The following ABI1 variants were observed in gnomAD, a reference collection of about 807,000 sequenced individuals.
ABI1 encodes Abelson interactor 1.
A neutral mutation model predicts 54.6 loss-of-function variants in ABI1; 14 were observed. That is an observed-to-expected ratio of 0.26 (90% CI 0.17 to 0.40). The LOEUF (loss-of-function observed/expected upper bound fraction) is 0.40, where lower values mean the gene tolerates loss of function less well. Ranked by LOEUF, ABI1 falls within the 10% of genes least tolerant of loss-of-function variation. The probability of loss-of-function intolerance (pLI) is 1.00; values close to 1 mark genes in which losing one functional copy is unlikely to be tolerated. For missense variants in ABI1, 443 were observed against 598.3 expected (o/e 0.74, Z 2.71); for synonymous variants, 194 against 209.3 (o/e 0.93, Z 0.63).
At chr10:26,828,017 T>C (rs543801716) in intron 1 of ABI1, among the ~76,000 whole-genome samples, 3 of 152,386 alleles carry the variant, frequency 2.0e-5, no homozygotes, top group East Asian at 1.9e-4. Flanking sequence ...GTTTGGCCTA[T>C]CTCAGCTTTT....
rs773616910 is a variant in ABI1 at position 26,755,690 on chromosome 10, G to A, written c.1049C>T (p.Pro350Leu). 6.2e-7 allele frequency: 1 copy of A among 1,613,598 alleles called. No individual in the cohort carries two copies. Among genetic ancestry groups the A allele is most frequent in the Non-Finnish European group, 8.5e-7 (1 of 1,179,666 alleles). Residue 350 changes from proline (P) to leucine (L), a missense_variant, in exon 9 of 11, where the codon CCT becomes CTT. Around this residue, in one of 2 missense-constraint regions of ABI1, gnomAD observed 394 missense variants for 484.8 expected, o/e 0.81. Coordinates refer to ENST00000376140, the MANE Select transcript of ABI1 (RefSeq NM_001012750.3). Reference sequence around the variant, plus strand: ...CACCCTGGCCACGAAGCCTGTGAGAGGTATCTGTGGAGTCAACTGAGGCAT... The same window carrying A: ...CACCCTGGCCACGAAGCCTGTGAGAAGTATCTGTGGAGTCAACTGAGGCAT... ...PPMPQLTPQIPLTGFVARVQE... is the reference protein window; with the variant it reads ...PPMPQLTPQILLTGFVARVQE...
intron 1 of ABI1, among the ~76,000 whole-genome samples, chr10:26,836,113 T>C (rs1214820201): frequency 6.6e-6 from 1 of 151,954 alleles, no homozygotes; most frequent in East Asian, 1.9e-4. Context: ...TTTTTTGTTG[T>C]TTGTTTTTTG....
intron 1 of ABI1, among the ~76,000 whole-genome samples, chr10:26,849,120 C>T (rs150647117): frequency 1.3e-5 from 2 of 152,268 alleles, no homozygotes; most frequent in Admixed American, 6.5e-5. Context: ...AAGACCTTTA[C>T]AGGGGGTCCA....
chr10:26,825,897 A>G (rs1185256613), intron 1 of ABI1, among the ~76,000 whole-genome samples: 3 of 152,194 alleles, frequency 2.0e-5, no homozygotes, highest in East Asian at 1.9e-4. Flanking sequence ...TCGGGCTCCA[A>G]TTCTAATTCT....
At chr10:26,754,123 GAT>G (rs1837970897) in intron 9 of ABI1, among the ~76,000 whole-genome samples, 1 of 152,056 alleles carries the variant, frequency 6.6e-6, no homozygotes. Flanking sequence ...TTAAAAATAA[GAT>G]TCACATCTAT....
At chr10:26,782,712 ACT>A (rs1447232780) in intron 2 of ABI1, among the ~76,000 whole-genome samples, 4 of 127,104 alleles carry the variant, frequency 3.1e-5, no homozygotes, top group Admixed American at 8.1e-5. Context: ...ACAGAGTGAG[ACT>A]CTGTCTCAAA....
chr10:26,809,622 T>TA (rs1327233622), intron 2 of ABI1, among the ~76,000 whole-genome samples: 1 of 151,886 alleles, frequency 6.6e-6, no homozygotes, highest in Admixed American at 6.6e-5. Context: ...CATTTTCACA[T>TA]AAAAAAGGGG....
intron 8 of ABI1, among the ~76,000 whole-genome samples, chr10:26,757,240 C>T (rs1188914754): frequency 1.3e-5 from 2 of 152,040 alleles, no homozygotes; most frequent in Non-Finnish European, 2.9e-5. Context: ...CCAACAGTAA[C>T]TCAGATTGAA....
rs1171699025 is a variant in ABI1, at chr10:26,748,543, G to C, written c.*27C>G. On this transcript the variant is annotated 3_prime_UTR_variant, in exon 11 of 11. Coordinates refer to ENST00000376140, the MANE Select transcript of ABI1 (RefSeq NM_001012750.3). Reference sequence around the variant, plus strand: ...GTCCCACAGTATGACTGAGTAATAAGAATCTACTTCAAAAGAAAAAAAAAA... The same window carrying C: ...GTCCCACAGTATGACTGAGTAATAACAATCTACTTCAAAAGAAAAAAAAAA... 2 of 1,541,466 alleles carry C rather than the reference G, an allele frequency of 1.3e-6. No homozygotes were observed. Among genetic ancestry groups the C allele is most frequent in the East Asian group, 2.3e-5 (1 of 44,238 alleles).
intron 3 of ABI1, among the ~76,000 whole-genome samples, chr10:26,771,516 G>A (rs991562991): frequency 7.2e-5 from 11 of 152,144 alleles, no homozygotes; most frequent in Admixed American, 2.6e-4. Context: ...GTCCAAGTAT[G>A]AGTATTCATT....
chr10:26,852,471 C>G (rs900251112), intron 1 of ABI1, among the ~76,000 whole-genome samples: 2 of 152,086 alleles, frequency 1.3e-5, no homozygotes, highest in Non-Finnish European at 2.9e-5. Flanking sequence ...AAGAACGAAA[C>G]TCTGTCTCAA....
intron 2 of ABI1, among the ~76,000 whole-genome samples, chr10:26,782,495 C>T (rs542896672): frequency 5.0e-4 from 76 of 152,170 alleles, no homozygotes; most frequent in African/African-American, 1.7e-3. Flanking sequence ...GAGGCCGAGG[C>T]GGGCAGATCA....
chr10:26,779,223 A>T (rs552489991), intron 2 of ABI1, among the ~76,000 whole-genome samples: 4 of 152,346 alleles, frequency 2.6e-5, no homozygotes, highest in Non-Finnish European at 4.4e-5. Flanking sequence ...GAGAATCATT[A>T]ACCAACATGT....
chr10:26,758,287 T>C (rs1192196479), intron 8 of ABI1, among the ~76,000 whole-genome samples: 1 of 152,124 alleles, frequency 6.6e-6, no homozygotes, highest in Non-Finnish European at 1.5e-5. Context: ...CTATGCCCAG[T>C]GGGCACAACT....
chr10:26,812,924 T>A (rs2047331205), intron 2 of ABI1, among the ~76,000 whole-genome samples: 1 of 152,074 alleles, frequency 6.6e-6, no homozygotes, highest in East Asian at 1.9e-4. Context: ...AGCCAGTAAG[T>A]GCCAAAGAAG....
chr10:26,764,853 T>TG (rs1381081599), intron 7 of ABI1, among the ~76,000 whole-genome samples: 1 of 152,186 alleles, frequency 6.6e-6, no homozygotes, highest in African/African-American at 2.4e-5. Context: ...TATATGCAAA[T>TG]ACTACACCAG....
chr10:26,750,275 C>A (rs1207647179), intron 10 of ABI1, among the ~76,000 whole-genome samples: 1 of 152,220 alleles, frequency 6.6e-6, no homozygotes, highest in Non-Finnish European at 1.5e-5. Context: ...GGGCGGATCA[C>A]TTGAGGTCAG....
At chr10:26,772,013 T>C (rs1840756611) in intron 3 of ABI1, among the ~76,000 whole-genome samples, 1 of 151,714 alleles carries the variant, frequency 6.6e-6, no homozygotes, top group Admixed American at 6.6e-5. Context: ...AAATAACATC[T>C]GACATTCTCA....
intron 1 of ABI1, among the ~76,000 whole-genome samples, chr10:26,855,699 G>T (rs977511005): frequency 1.3e-5 from 2 of 152,022 alleles, no homozygotes; most frequent in Admixed American, 1.3e-4. Flanking sequence ...GGCCGGGTGC[G>T]GTGGCTCACA....
Sources: gnomAD v4.1 joint callset for allele counts (sites outside exome capture counted in the v4.1 genomes callset) on GRCh38, gnomAD v4.1.1 for gene constraint, gnomAD v4.1.1 regional missense constraint, MANE v1.5 for transcripts, NCBI Gene and HGNC (gene_info 2026-07-23, HGNC 2026-07-21) for gene names.